The following ATP10B variants were observed in gnomAD, a reference collection of about 807,000 sequenced individuals.
The protein encoded by ATP10B is ATPase phospholipid transporting 10B (putative).
Under a neutral mutation model 141.2 loss-of-function variants are expected in ATP10B, and 122 were observed. That is an observed-to-expected ratio of 0.86 (90% CI 0.75 to 1.00). ATP10B has a LOEUF of 1.00. Ranked by LOEUF, ATP10B falls within the 50% of genes least tolerant of loss-of-function variation. The pLI is 0.00. For missense variants in ATP10B, 1,876 were observed against 1,825.3 expected, an observed-to-expected ratio of 1.03 and a Z score of -0.51; for synonymous variants, 685 against 692.0, an observed-to-expected ratio of 0.99 and a Z score of 0.16.
At chr5:160,651,334 G>T (rs898540384) in intron 7 of ATP10B, among the ~76,000 whole-genome samples, 1 of 151,990 alleles carries the variant, frequency 6.6e-6, no homozygotes, top group African/African-American at 2.4e-5. Flanking sequence ...CATTTCTGTT[G>T]TACAAACTCT....
the ATP10B span, among the ~76,000 whole-genome samples, chr5:160,920,639 A>G: frequency 6.6e-6 from 1 of 152,238 alleles, no homozygotes; most frequent in African/African-American, 2.4e-5. Flanking sequence ...CTTGCCCTTC[A>G]CAATCACCTG....
Position 160,765,650 on chromosome 5 carries a change from T to C in ATP10B, c.-331+19909A>G, listed in dbSNP as rs549211500. The stretch of plus-strand genomic sequence containing the variant: ...AGAAAAACTCTTCTAGTCTTTGGCT[T>C]AGGCAAAAACTTCATGACCAAGAAT... On this transcript the variant is annotated intron_variant, in intron 2 of 25. Coordinates refer to ENST00000327245, the MANE Select transcript of ATP10B (RefSeq NM_025153.3). Among the ~76,000 whole-genome samples, 16 of 152,272 alleles carry C rather than the reference T, an allele frequency of 1.1e-4. No homozygotes were observed. The South Asian group carries it at 3.3e-3, about 32-fold the overall frequency.
intron 1 of ATP10B, among the ~76,000 whole-genome samples, chr5:160,838,121 A>T (rs1372624159): frequency 1.3e-5 from 2 of 152,192 alleles, no homozygotes; most frequent in Admixed American, 1.3e-4. Context: ...TCATCAATTC[A>T]TGACGCCTCT....
intron 6 of ATP10B, chr5:160,684,947 TC>T (rs1230492424): frequency 1.4e-5 from 10 of 703,234 alleles, no homozygotes; most frequent in Non-Finnish European, 2.1e-5. Context: ...CAGATTGGTA[TC>T]ATGCTCACCT....
At chr5:160,655,918 G>A (rs778243029) in intron 7 of ATP10B, among the ~76,000 whole-genome samples, 6 of 152,086 alleles carry the variant, frequency 3.9e-5, no homozygotes, top group African/African-American at 7.2e-5. Flanking sequence ...TGTCAATAGC[G>A]GTATCTTTGA....
chr5:160,873,239 A>C, the ATP10B span, among the ~76,000 whole-genome samples: 13 of 151,994 alleles, frequency 8.6e-5, no homozygotes, highest in Non-Finnish European at 1.5e-4. Context: ...GAAACAGAGG[A>C]GAACTTCCTC....
intron 7 of ATP10B, among the ~76,000 whole-genome samples, chr5:160,667,222 CAAAAACA>C (rs1561726087): frequency 6.6e-6 from 1 of 151,788 alleles, no homozygotes; most frequent in African/African-American, 2.4e-5. Context: ...TGTCTCAAAA[CAAAAACA>C]AAAAACAAAA....
At chr5:160,819,114 G>A (rs1020180095) in intron 1 of ATP10B, among the ~76,000 whole-genome samples, 23 of 152,132 alleles carry the variant, frequency 1.5e-4, no homozygotes, top group African/African-American at 5.1e-4. Context: ...TAACCTGCAT[G>A]TTGTGCACAT....
At chr5:160,769,551 T>C (rs975214597) in intron 2 of ATP10B, among the ~76,000 whole-genome samples, 1 of 152,110 alleles carries the variant, frequency 6.6e-6, no homozygotes, top group African/African-American at 2.4e-5. Flanking sequence ...CTAATTAAAA[T>C]ATAGAATGAA....
intron 7 of ATP10B, among the ~76,000 whole-genome samples, chr5:160,655,420 T>C (rs183343371): frequency 6.6e-6 from 1 of 152,264 alleles, no homozygotes; most frequent in Admixed American, 6.5e-5. Context: ...CATCTCTGCC[T>C]AGATCTGTGC....
At chr5:160,786,848 G>T (rs774950136) in intron 1 of ATP10B, among the ~76,000 whole-genome samples, 1 of 151,966 alleles carries the variant, frequency 6.6e-6, no homozygotes, top group African/African-American at 2.4e-5. Flanking sequence ...ATGCAGCCTG[G>T]TTCTTGTTGA....
chr5:160,661,909 A>C (rs1358574260), intron 7 of ATP10B, among the ~76,000 whole-genome samples: 1 of 152,232 alleles, frequency 6.6e-6, no homozygotes, highest in Admixed American at 6.5e-5. Context: ...CCATCGTCTC[A>C]GCTCAAAATC....
Position 160,839,914 on chromosome 5 carries a change from T to C in ATP10B, c.-576+12027A>G, listed in dbSNP as rs184534782. 6.0e-3 allele frequency among the ~76,000 whole-genome samples: 916 copies of C among 152,116 alleles called. 13 individuals are homozygous for C. Among genetic ancestry groups the C allele is most frequent in the African/African-American group, 0.021 (872 of 41,552 alleles). The stretch of plus-strand genomic sequence containing the variant: ...TTTTATAATGCTAAAAACCACATTA[T>C]AGAATGAAGCTATAACAAAACTCAA... On this transcript the variant is annotated intron_variant, in intron 1 of 25. Transcript: ENST00000327245.
chr5:160,796,307 T>C (rs758490837), intron 1 of ATP10B, among the ~76,000 whole-genome samples: 2 of 152,198 alleles, frequency 1.3e-5, no homozygotes, highest in African/African-American at 4.8e-5. Flanking sequence ...TCAGCAAGTA[T>C]TTAAAAAGGG....
chr5:160,802,567 G>A (rs148183065), intron 1 of ATP10B, among the ~76,000 whole-genome samples: 15 of 152,316 alleles, frequency 9.8e-5, no homozygotes, highest in African/African-American at 3.6e-4. Context: ...CAAAACATCA[G>A]TAGAACTGAA....
At chr5:160,780,777 T>G (rs1770665385) in intron 2 of ATP10B, among the ~76,000 whole-genome samples, 1 of 152,236 alleles carries the variant, frequency 6.6e-6, no homozygotes, top group East Asian at 1.9e-4. Context: ...TTAAAGTGAC[T>G]ACAGATTTTA....
chr5:160,733,523 AAAGTT>A (rs1178775702), intron 2 of ATP10B, among the ~76,000 whole-genome samples: 2 of 152,140 alleles, frequency 1.3e-5, no homozygotes, highest in Non-Finnish European at 2.9e-5. Flanking sequence ...ATGACCATAA[AAAGTT>A]AAGGGAAAAA....
At chr5:160,590,148 C>T (rs747974225) in intron 23 of ATP10B, among the ~76,000 whole-genome samples, 1 of 152,132 alleles carries the variant, frequency 6.6e-6, no homozygotes, top group Non-Finnish European at 1.5e-5. Flanking sequence ...GAGTTAATCA[C>T]TTGGAAAGAG....
chr5:160,803,535 G>A (rs2127935264), intron 1 of ATP10B, among the ~76,000 whole-genome samples: 1 of 152,186 alleles, frequency 6.6e-6, no homozygotes, highest in Non-Finnish European at 1.5e-5. Context: ...AATTAGCCGG[G>A]CGTGGTGGTG....
Sources: gnomAD v4.1 joint callset for allele counts (sites outside exome capture counted in the v4.1 genomes callset) on GRCh38, gnomAD v4.1.1 for gene constraint, MANE v1.5 for transcripts, NCBI Gene and HGNC (gene_info 2026-07-23, HGNC 2026-07-21) for gene names.